DLGAP1: variants seen among roughly 807,000 people sequenced by gnomAD.
DLGAP1 encodes DLG associated protein 1.
DLGAP1 carries 11 observed loss-of-function variants against 90.8 expected under a neutral mutation model. That is an observed-to-expected ratio of 0.12 (90% CI 0.08 to 0.20). The LOEUF (loss-of-function observed/expected upper bound fraction) is 0.20, where lower values mean the gene tolerates loss of function less well. Among genes scored for constraint, DLGAP1 ranks in the 10% least tolerant of loss-of-function variants. The probability of loss-of-function intolerance (pLI) is 1.00; values close to 1 mark genes in which losing one functional copy is unlikely to be tolerated. For synonymous variants in DLGAP1, 558 were observed against 540.7 expected (o/e 1.03, Z -0.44); for missense variants, 1,050 against 1,333.8 (o/e 0.79, Z 3.31).
At chr18:4,108,539 TA>T (rs5822792) in intron 2 of DLGAP1, among the ~76,000 whole-genome samples, 5 of 149,478 alleles carry the variant, frequency 3.3e-5, no homozygotes, top group South Asian at 4.2e-4. Context: ...TATTACACAA[TA>T]AAAAAAAAAC....
At chr18:3,688,990 C>T (rs746631952) in intron 7 of DLGAP1, among the ~76,000 whole-genome samples, 1 of 152,182 alleles carries the variant, frequency 6.6e-6, no homozygotes, top group Non-Finnish European at 1.5e-5. Context: ...TTTAGCGGAT[C>T]TGGTTTCATG....
At chr18:4,303,974 G>A (rs916281294) in intron 1 of DLGAP1, among the ~76,000 whole-genome samples, 108 of 152,158 alleles carry the variant, frequency 7.1e-4, no homozygotes, top group African/African-American at 2.6e-3. Flanking sequence ...AAACCCATGT[G>A]TTATTCCTAA....
chr18:4,020,947 C>T (rs1436521625), intron 2 of DLGAP1, among the ~76,000 whole-genome samples: 1 of 152,100 alleles, frequency 6.6e-6, no homozygotes, highest in Admixed American at 6.5e-5. Flanking sequence ...CTGACACCAC[C>T]CAGACTGGTA....
intron 5 of DLGAP1, among the ~76,000 whole-genome samples, chr18:3,811,605 T>G (rs1243079211): frequency 6.6e-6 from 1 of 152,138 alleles, no homozygotes; most frequent in Admixed American, 6.5e-5. Flanking sequence ...CATACCCAGT[T>G]CAACAACTTC....
At chr18:4,099,313 ATC>A in intron 2 of DLGAP1, among the ~76,000 whole-genome samples, 1 of 132,756 alleles carries the variant, frequency 7.5e-6, no homozygotes, top group Non-Finnish European at 1.6e-5. Context: ...CTATCTATCT[ATC>A]TATCTATCTA....
intron 1 of DLGAP1, among the ~76,000 whole-genome samples, chr18:4,321,493 T>G (rs1287808227): frequency 6.6e-6 from 1 of 152,178 alleles, no homozygotes; most frequent in Non-Finnish European, 1.5e-5. Flanking sequence ...AAAGTTTATC[T>G]CTAGCAACTT....
intron 9 of DLGAP1, among the ~76,000 whole-genome samples, chr18:3,549,480 G>A (rs994529252): frequency 1.4e-4 from 22 of 151,884 alleles, no homozygotes; most frequent in African/African-American, 4.1e-4. Context: ...TTACAGGCAC[G>A]TGTCACCACA....
chr18:3,581,803 CG>C, intron 8 of DLGAP1, 71 bp downstream of exon 8: 2 of 1,563,100 alleles, frequency 1.3e-6, no homozygotes, highest in Admixed American at 3.6e-5. Context: ...GCAAATCTTC[CG>C]GGGAAACAAA....
At chr18:4,366,706 G>GA (rs1372832483) in intron 1 of DLGAP1, among the ~76,000 whole-genome samples, 22 of 147,122 alleles carry the variant, frequency 1.5e-4, no homozygotes, top group East Asian at 3.9e-4. Context: ...AACGTCCATG[G>GA]AAAAAAAAAA....
At position 3,635,305 on chromosome 18, in the gene DLGAP1, G is replaced by A. The variant is rs1040682975; in HGVS notation, c.1592-53057C>T. 5.9e-5 allele frequency among the ~76,000 whole-genome samples: 9 copies of A among 151,534 alleles called. No homozygotes were observed. The East Asian group carries it at 1.8e-3, about 29-fold the overall frequency. On this transcript the variant is annotated intron_variant, in intron 7 of 12. Transcript: ENST00000315677. Reference sequence around the variant, plus strand: ...GCCACCACGCCCGGCTGATTTTTTTGTATTGTATTTTTAGTAGAGACGGGG... The same window carrying A: ...GCCACCACGCCCGGCTGATTTTTTTATATTGTATTTTTAGTAGAGACGGGG...
intron 1 of DLGAP1, among the ~76,000 whole-genome samples, chr18:4,297,896 C>T (rs1052986898): frequency 1.3e-5 from 2 of 152,088 alleles, no homozygotes; most frequent in African/African-American, 2.4e-5. Context: ...AATGCAAACG[C>T]AGGTAAACTT....
At chr18:4,023,592 T>A (rs1003109465) in intron 2 of DLGAP1, among the ~76,000 whole-genome samples, 1 of 152,238 alleles carries the variant, frequency 6.6e-6, no homozygotes, top group Non-Finnish European at 1.5e-5. Context: ...CAGGCACAAG[T>A]GAATCAATAA....
intron 7 of DLGAP1, among the ~76,000 whole-genome samples, chr18:3,595,537 A>AT (rs1184429442): frequency 6.6e-6 from 1 of 152,212 alleles, no homozygotes; most frequent in Non-Finnish European, 1.5e-5. Context: ...TTTGGCTAGT[A>AT]TGTGCCTGGA....
At chr18:3,883,563 C>T (rs767331081) in intron 3 of DLGAP1, among the ~76,000 whole-genome samples, 2 of 152,194 alleles carry the variant, frequency 1.3e-5, no homozygotes, top group Non-Finnish European at 2.9e-5. Flanking sequence ...TAGTATTTGG[C>T]AAAGTGCTAT....
chr18:3,982,938 T>A (rs997002460), intron 3 of DLGAP1, among the ~76,000 whole-genome samples: 1 of 152,168 alleles, frequency 6.6e-6, no homozygotes, highest in Non-Finnish European at 1.5e-5. Context: ...AAAACCTTCA[T>A]ATGATGATTA....
chr18:4,091,686 C>T (rs1037470231), intron 2 of DLGAP1, among the ~76,000 whole-genome samples: 1 of 152,120 alleles, frequency 6.6e-6, no homozygotes, highest in East Asian at 1.9e-4. Flanking sequence ...ATGTTTGTTG[C>T]TGTTTCTTTT....
intron 7 of DLGAP1, among the ~76,000 whole-genome samples, chr18:3,684,160 G>A (rs1033949942): frequency 2.5e-5 from 1 of 40,456 alleles, no homozygotes; most frequent in Admixed American, 3.5e-4. Flanking sequence ...TAATATGATT[G>A]GGTAAGGTTT....
chr18:3,873,990 T>C (rs2070908138), intron 4 of DLGAP1, among the ~76,000 whole-genome samples: 1 of 152,182 alleles, frequency 6.6e-6, no homozygotes, highest in Non-Finnish European at 1.5e-5. Flanking sequence ...TTTTTTACTA[T>C]CTGTGCACAC....
chr18:3,707,697 T>C (rs1269027686), intron 7 of DLGAP1, among the ~76,000 whole-genome samples: 1 of 152,190 alleles, frequency 6.6e-6, no homozygotes, highest in Non-Finnish European at 1.5e-5. Context: ...GTGGATATAT[T>C]TGTCTGTTTT....
Sources: allele counts gnomAD v4.1 joint callset (sites outside exome capture counted in the v4.1 genomes callset), GRCh38; gene constraint gnomAD v4.1.1; transcripts MANE v1.5; gene names NCBI Gene and HGNC (gene_info 2026-07-23, HGNC 2026-07-21).